Variants in PLXNA4 observed in about 807,000 individuals in gnomAD.
PLXNA4 encodes the protein plexin A4.
PLXNA4 carries 44 observed loss-of-function variants against 191.8 expected under a neutral mutation model. The observed-to-expected ratio is 0.23, with a 90% confidence interval of 0.18 to 0.29. PLXNA4 has a LOEUF of 0.29. PLXNA4 is among the 10% of genes least tolerant of loss of function. PLXNA4 has a pLI of 1.00. For synonymous variants in PLXNA4, 1,082 were observed against 1,009.5 expected, an observed-to-expected ratio of 1.07 and a Z score of -1.36; for missense variants, 1,800 against 2,488.8, an observed-to-expected ratio of 0.72 and a Z score of 5.89.
chr7:132,589,327 A>G (rs1395663183), intron 2 of PLXNA4, among the ~76,000 whole-genome samples: 1 of 152,196 alleles, frequency 6.6e-6, no homozygotes, highest in African/African-American at 2.4e-5. Flanking sequence ...TCATAACACT[A>G]TATTAAATTA....
chr7:132,404,766 G>A (rs1376104267), intron 3 of PLXNA4, among the ~76,000 whole-genome samples: 1 of 152,142 alleles, frequency 6.6e-6, no homozygotes, highest in Non-Finnish European at 1.5e-5. Context: ...AAAGTTCTTA[G>A]AACAGTGCCA....
At chr7:132,568,341 G>T (rs1375512550) in intron 1 of PLXNA4, among the ~76,000 whole-genome samples, 1 of 152,174 alleles carries the variant, frequency 6.6e-6, no homozygotes, top group African/African-American at 2.4e-5. Flanking sequence ...TCAGAAATCG[G>T]ATTGGCACCC....
intron 3 of PLXNA4, among the ~76,000 whole-genome samples, chr7:132,417,845 T>C (rs1355331061): frequency 6.6e-6 from 1 of 152,164 alleles, no homozygotes; most frequent in Non-Finnish European, 1.5e-5. Context: ...CTTTGGTCCG[T>C]GGGTCTCTGT....
intron 1 of PLXNA4, among the ~76,000 whole-genome samples, chr7:132,548,756 T>C (rs1013068615): frequency 1.3e-5 from 2 of 152,108 alleles, no homozygotes; most frequent in Non-Finnish European, 2.9e-5. Context: ...TCCCAGAAGG[T>C]TAGGCATTCT....
intron 3 of PLXNA4, among the ~76,000 whole-genome samples, chr7:132,401,876 C>T (rs1473406780): frequency 6.6e-6 from 1 of 152,134 alleles, no homozygotes; most frequent in Non-Finnish European, 1.5e-5. Flanking sequence ...AAAGCCAATT[C>T]CCCAGAAGGC....
chr7:132,405,854 AAACCCAGG>A (rs1478993389), intron 3 of PLXNA4, among the ~76,000 whole-genome samples: 2 of 152,208 alleles, frequency 1.3e-5, no homozygotes, highest in African/African-American at 2.4e-5. Context: ...AACCAGGATG[AAACCCAGG>A]AAAACAAGTC....
chr7:132,370,249 G>A (rs1285427988), intron 3 of PLXNA4, among the ~76,000 whole-genome samples: 1 of 152,164 alleles, frequency 6.6e-6, no homozygotes, highest in Non-Finnish European at 1.5e-5. Context: ...CTGTTCTGGT[G>A]AGTGGATGCA....
chr7:132,444,311 A>G (rs1234004992), intron 3 of PLXNA4, among the ~76,000 whole-genome samples: 2 of 152,214 alleles, frequency 1.3e-5, no homozygotes, highest in Non-Finnish European at 2.9e-5. Flanking sequence ...CTGGAGCGCA[A>G]TGGCGCCCTC....
At chr7:132,589,962 C>T (rs550904770) in intron 2 of PLXNA4, among the ~76,000 whole-genome samples, 1 of 152,280 alleles carries the variant, frequency 6.6e-6, no homozygotes, top group South Asian at 2.1e-4. Flanking sequence ...AGAGAAAATA[C>T]TCAGTTCCAG....
chr7:132,317,183 A>T (rs56008447), intron 3 of PLXNA4, among the ~76,000 whole-genome samples: 10,202 of 151,082 alleles, frequency 0.068, 450 homozygotes, highest in African/African-American at 0.12. Context: ...TTTGTGTTGG[A>T]TTAAATGTAA....
intron 30 of PLXNA4, among the ~76,000 whole-genome samples, chr7:132,140,184 C>T (rs184304884): frequency 1.5e-4 from 23 of 152,352 alleles, no homozygotes; most frequent in South Asian, 2.1e-4. Flanking sequence ...GCCAGCCAGA[C>T]GGTAGCAGAT....
intron 3 of PLXNA4, among the ~76,000 whole-genome samples, chr7:132,350,532 A>T (rs557035423): frequency 9.8e-5 from 15 of 152,308 alleles, no homozygotes; most frequent in African/African-American, 3.4e-4. Context: ...ATAAAAAAAT[A>T]AAAGAATACA....
chr7:132,313,266 A>G (rs1231444846), intron 3 of PLXNA4, among the ~76,000 whole-genome samples: 1 of 152,228 alleles, frequency 6.6e-6, no homozygotes, highest in Non-Finnish European at 1.5e-5. Context: ...GTTAAGGGAT[A>G]AAATGTATTG....
intron 4 of PLXNA4, among the ~76,000 whole-genome samples, chr7:132,273,639 C>T (rs538142154): frequency 3.6e-4 from 55 of 152,274 alleles, no homozygotes; most frequent in Middle Eastern, 3.4e-3. Context: ...ATAGTGTTGA[C>T]TGAGAACCTA....
intron 24 of PLXNA4, among the ~76,000 whole-genome samples, chr7:132,160,550 C>G (rs1042486734): frequency 6.6e-6 from 1 of 152,100 alleles, no homozygotes; most frequent in South Asian, 2.1e-4. Context: ...TGGAGGGGAA[C>G]GGGGTGGGTG....
At chr7:132,521,967 G>T (rs1372421577) in intron 1 of PLXNA4, among the ~76,000 whole-genome samples, 2 of 152,164 alleles carry the variant, frequency 1.3e-5, no homozygotes, top group African/African-American at 4.8e-5. Context: ...CTGGCAGAGG[G>T]GAGATTCATG....
intron 4 of PLXNA4, among the ~76,000 whole-genome samples, chr7:132,279,249 G>A (rs889105574): frequency 6.6e-6 from 1 of 152,208 alleles, no homozygotes; most frequent in Admixed American, 6.5e-5. Context: ...CTGGTCATTA[G>A]AGGACTTCCA....
At chr7:132,629,784 C>A (rs1803454980) in intron 2 of PLXNA4, among the ~76,000 whole-genome samples, 1 of 152,184 alleles carries the variant, frequency 6.6e-6, no homozygotes. Flanking sequence ...AGATGGCCGC[C>A]TTCTCACTAT....
intron 5 of PLXNA4, among the ~76,000 whole-genome samples, chr7:132,236,610 C>T (rs556395292): frequency 6.6e-6 from 1 of 152,268 alleles, no homozygotes; most frequent in South Asian, 2.1e-4. Flanking sequence ...ATCTTTAGGG[C>T]AGAGATGACC....
Sources: allele counts gnomAD v4.1 joint callset (sites outside exome capture counted in the v4.1 genomes callset), GRCh38; gene constraint gnomAD v4.1.1; transcripts MANE v1.5; gene names NCBI Gene and HGNC (gene_info 2026-07-23, HGNC 2026-07-21).